Variants in PLA2G2C observed in about 807,000 individuals in gnomAD.
PLA2G2C encodes phospholipase A2 group IIC.
Under a neutral mutation model 14.3 loss-of-function variants are expected in PLA2G2C, and 15 were observed. The ratio of observed to expected loss-of-function variants is 1.05; its 90% CI spans 0.70 to 1.62. PLA2G2C has a LOEUF of 1.62. PLA2G2C is among the 40% of genes most tolerant of loss of function. The pLI is 0.00. For synonymous variants in PLA2G2C, 79 were observed against 67.7 expected (o/e 1.17, Z -0.82); for missense variants, 162 against 173.2 (o/e 0.94, Z 0.36).
At chr1:20,164,599 G>T (rs2017942520) in intron 4 of PLA2G2C, among the ~76,000 whole-genome samples, 1 of 152,238 alleles carries the variant, frequency 6.6e-6, no homozygotes, top group Non-Finnish European at 1.5e-5. Flanking sequence ...ACAGGCCAGG[G>T]TGATGGGAGC....
rs2017931856 is a variant in PLA2G2C at position 20,164,089 on chromosome 1, AT to A, written c.351del (p.Gln117HisfsTer126). 6.2e-7 allele frequency: 1 copy of A among 1,613,888 alleles called. No individual in the cohort carries two copies. The highest frequency in any genetic ancestry group is 2.2e-5 in the East Asian group (1 of 44,858). On this transcript the variant is annotated frameshift_variant, in exon 5 of 5. Coordinates refer to ENST00000679259, the MANE Select transcript of PLA2G2C (RefSeq NM_001367969.2). LOFTEE classifies it high-confidence loss of function. Reference sequence around the variant, plus strand: ...AGGCTCTCTTTGAAGCAGTGCACGGATTGCTTGTCACACTCACAGGCCTTCA... The same window carrying A: ...AGGCTCTCTTTGAAGCAGTGCACGGATGCTTGTCACACTCACAGGCCTTCA... ...CRLKACECDKQSVHCFKESLP... is the reference protein window; with the variant it reads ...CRLKACECDKXSVHCFKESLP...
At chr1:20,183,469 C>T (rs565506349) in intron 1 of PLA2G2C, among the ~76,000 whole-genome samples, 1 of 152,304 alleles carries the variant, frequency 6.6e-6, no homozygotes, top group South Asian at 2.1e-4. Flanking sequence ...AATTGCTCTG[C>T]TGCTCCTTCA....
At position 20,172,248 on chromosome 1, in the gene PLA2G2C, G is replaced by A. The variant is rs530117896; in HGVS notation, c.283+546C>T. Reference sequence around the variant, plus strand: ...CCCTACCAGCCGCAGAACACGCTCCGGATGCCAGGGCCACGCCCCATGTGA... The same window carrying A: ...CCCTACCAGCCGCAGAACACGCTCCAGATGCCAGGGCCACGCCCCATGTGA... On this transcript the variant is annotated intron_variant, in intron 4 of 4. Transcript: ENST00000679259. Among the ~76,000 whole-genome samples, 17 of 152,174 alleles carry A rather than the reference G, an allele frequency of 1.1e-4. No homozygotes were observed. The East Asian group carries it at 3.1e-3, about 28-fold the overall frequency.
intron 4 of PLA2G2C, among the ~76,000 whole-genome samples, chr1:20,166,338 A>T (rs2017978720): frequency 6.6e-6 from 1 of 151,916 alleles, no homozygotes; most frequent in Non-Finnish European, 1.5e-5. Context: ...TCTGCCAGGG[A>T]TGTTCACTCC....
intron 4 of PLA2G2C, among the ~76,000 whole-genome samples, chr1:20,166,544 C>G (rs1189129768): frequency 6.6e-6 from 1 of 152,232 alleles, no homozygotes; most frequent in Non-Finnish European, 1.5e-5. Context: ...CACTGTCCAA[C>G]TAGAGGGCCT....
intron 4 of PLA2G2C, 120 bp from the exon 5 acceptor site, chr1:20,164,277 C>T (rs1325594499): frequency 7.0e-6 from 7 of 994,136 alleles, no homozygotes; most frequent in East Asian, 2.6e-5. Context: ...AAAGGAAAGC[C>T]ACTGAAAGGG....
At chr1:20,170,615 C>T (rs2018055257) in intron 4 of PLA2G2C, among the ~76,000 whole-genome samples, 1 of 152,136 alleles carries the variant, frequency 6.6e-6, no homozygotes, top group African/African-American at 2.4e-5. Flanking sequence ...GCTCTCAGCC[C>T]TGCTCCTGGG....
chr1:20,180,107 CTCTT>C (rs767398286), intron 1 of PLA2G2C, among the ~76,000 whole-genome samples: 8 of 152,134 alleles, frequency 5.3e-5, no homozygotes, highest in East Asian at 3.9e-4. Context: ...GTGTTAGCTT[CTCTT>C]TCTATGTCAG....
At chr1:20,171,785 G>T (rs1369066490) in intron 4 of PLA2G2C, among the ~76,000 whole-genome samples, 1 of 134,346 alleles carries the variant, frequency 7.4e-6, no homozygotes, top group African/African-American at 2.8e-5. Context: ...TTTTTGAGAC[G>T]GAGTCTCGCT....
At chr1:20,177,275 A>C (rs1332576151) in intron 2 of PLA2G2C, 49 bp downstream of exon 2, 1 of 700,212 alleles carries the variant, frequency 1.4e-6, no homozygotes, top group Non-Finnish European at 2.6e-6. Context: ...CCACTGACAT[A>C]AACAGGAAGA....
In PLA2G2C at chr1:20,179,687, C is replaced by G. The variant is rs112861059; in HGVS notation, c.-76-2248G>C. Among the ~76,000 whole-genome samples, 844 of 144,306 alleles carry G rather than the reference C, an allele frequency of 5.8e-3. 10 individuals carry two copies. Among genetic ancestry groups the G allele is most frequent in the African/African-American group, 0.021 (806 of 38,142 alleles). The allele number at this position is 144,306 out of a possible 152,430, so 94.7% of individuals were successfully genotyped here. Reference sequence around the variant, plus strand: ...CTTCTCCCTCTATGTCAGTTTCTCTCTGTGTGTGTCAGCTTCTCCCTTGTG... The same window carrying G: ...CTTCTCCCTCTATGTCAGTTTCTCTGTGTGTGTGTCAGCTTCTCCCTTGTG... On this transcript the variant is annotated intron_variant, in intron 1 of 4. Transcript: ENST00000679259.
At chr1:20,178,311 T>C (rs1396936259) in intron 1 of PLA2G2C, among the ~76,000 whole-genome samples, 2 of 152,176 alleles carry the variant, frequency 1.3e-5, no homozygotes, top group African/African-American at 4.8e-5. Context: ...CTAAATCTGG[T>C]AACGTCAGGA....
At chr1:20,175,450 A>T (rs185664424) in intron 2 of PLA2G2C, among the ~76,000 whole-genome samples, 88 of 152,336 alleles carry the variant, frequency 5.8e-4, no homozygotes, top group Admixed American at 1.1e-3. Flanking sequence ...CCACAGTTCT[A>T]GGCAGAACAC....
intron 4 of PLA2G2C, among the ~76,000 whole-genome samples, chr1:20,166,194 C>T (rs1308360624): frequency 6.6e-6 from 1 of 152,218 alleles, no homozygotes; most frequent in Non-Finnish European, 1.5e-5. Flanking sequence ...GAGCTGCCTG[C>T]AGTCAGTCTG....
At chr1:20,165,996 C>T (rs1349614794) in intron 4 of PLA2G2C, among the ~76,000 whole-genome samples, 1 of 152,174 alleles carries the variant, frequency 6.6e-6, no homozygotes, top group Non-Finnish European at 1.5e-5. Flanking sequence ...GTGCTAAAAC[C>T]TAGTCATTTC....
intron 1 of PLA2G2C, among the ~76,000 whole-genome samples, chr1:20,185,341 AGGACTCG>A (rs1375308948): frequency 6.6e-6 from 1 of 152,186 alleles, no homozygotes; most frequent in Non-Finnish European, 1.5e-5. Context: ...GAAGGAGAGT[AGGACTCG>A]GGCAGGGAGG....
At chr1:20,164,301 T>A in intron 4 of PLA2G2C, 144 bp from the exon 5 acceptor site, 1 of 763,398 alleles carries the variant, frequency 1.3e-6, no homozygotes, top group Non-Finnish European at 2.1e-6. Context: ...CGTGTATGCA[T>A]ATGTGTGCAT....
Position 20,175,021 on chromosome 1 carries a change from C to T in PLA2G2C, c.165G>A (p.Val55=). ...YCGLGDKGIP[V]DDTDRHSPSS... ...TCTGCACCCACCTGTCAGTGTCATC[C>T]ACGGGGATCCCTTTATCCCCAAGCC... The change falls in exon 3 of 5, where the codon GTG becomes GTA. Residue 55 remains valine (V), a synonymous_variant. Transcript: ENST00000679259. 1 of 1,613,620 alleles carries T rather than the reference C, an allele frequency of 6.2e-7. No homozygotes were observed. The highest frequency in any genetic ancestry group is 8.5e-7 in the Non-Finnish European group (1 of 1,179,734).
chr1:20,180,855 G>A (rs111841372), intron 1 of PLA2G2C, among the ~76,000 whole-genome samples: 7 of 152,352 alleles, frequency 4.6e-5, no homozygotes, highest in African/African-American at 7.2e-5. Flanking sequence ...GTCCCTAGAC[G>A]CCACCATCTG....
Sources: gnomAD v4.1 joint callset for allele counts (sites outside exome capture counted in the v4.1 genomes callset) on GRCh38, gnomAD v4.1.1 for gene constraint, MANE v1.5 for transcripts, NCBI Gene and HGNC (gene_info 2026-07-23, HGNC 2026-07-21) for gene names.